The following MAGEB5 variants were observed in gnomAD, a reference collection of about 807,000 sequenced individuals.
MAGEB5 encodes MAGE family member B5.
For synonymous variants in MAGEB5, 70 were observed against 75.0 expected (o/e 0.93, Z 0.34); for missense variants, 189 against 197.1 (o/e 0.96, Z 0.25).
intron 1 of MAGEB5, among the ~76,000 whole-genome samples, chrX:26,216,765 G>A (rs897324068): frequency 2.7e-5 from 3 of 111,740 alleles, no homozygotes; most frequent in African/African-American, 9.8e-5. Flanking sequence ...TCTTGAATGT[G>A]AAGTAAAAGG....
rs1929477276 is a variant in MAGEB5 at position 26,218,083 on chromosome X, A to G, written c.782A>G (p.Gln261Arg). ...CSRNWHYCSG[Q>R]DCLRAKFSSF... ...CGAAACTGGCACTACTGCAGTGGCCAAGACTGTCTCAGGGCGAAGTTCAGC... is the reference window on the plus strand; with the variant it reads ...CGAAACTGGCACTACTGCAGTGGCCGAGACTGTCTCAGGGCGAAGTTCAGC... The change falls in exon 2 of 2, where the codon CAA becomes CGA. Residue 261 changes from glutamine (Q) to arginine (R), a missense_variant. Gln to Arg is a conservative substitution (Grantham distance 43). Coordinates refer to ENST00000602297, the MANE Select transcript of MAGEB5 (RefSeq NM_001271752.1). 1 of 1,164,982 alleles carries G rather than the reference A, an allele frequency of 8.6e-7. No homozygotes were observed. The highest frequency in any genetic ancestry group is 1.1e-6 in the Non-Finnish European group (1 of 871,680).
rs765363905 is a variant in MAGEB5, at chrX:26,217,818, C to T, written c.517C>T (p.Pro173Ser). 8.5e-7 allele frequency: 1 copy of T among 1,173,001 alleles called. No individual in the cohort carries two copies. The highest frequency in any genetic ancestry group is 3.2e-5 in the East Asian group (1 of 31,453). The change falls in exon 2 of 2, where the codon CCC (proline) becomes TCC (serine). Residue 173 changes from proline to serine, a missense_variant. Coordinates refer to ENST00000602297, the MANE Select transcript of MAGEB5 (RefSeq NM_001271752.1). ...GAAGAAGTACTACATCTATGGAGAG[C>T]CCAGGAAGCTCATCACTCAGGATTT... ...DGKKYYIYGE[P>S]RKLITQDFVR...
At chrX:26,216,484 C>T (rs1287403227) in intron 1 of MAGEB5, among the ~76,000 whole-genome samples, 1 of 111,585 alleles carries the variant, frequency 9.0e-6, no homozygotes, top group Admixed American at 9.5e-5. Flanking sequence ...GAGGTGAGAT[C>T]CTTAGTCTGA....
At chrX:26,216,972 A>C (rs1302509349) in intron 1 of MAGEB5, 113 bp from the exon 2 acceptor site, 1 of 217,119 alleles carries the variant, frequency 4.6e-6, no homozygotes, top group Non-Finnish European at 8.3e-6. Flanking sequence ...TTTTATTATA[A>C]CCATGGTAGA....
At chrX:26,216,603 A>C (rs1049976815) in intron 1 of MAGEB5, among the ~76,000 whole-genome samples, 2 of 111,791 alleles carry the variant, frequency 1.8e-5, no homozygotes, top group Admixed American at 1.9e-4. Context: ...CAGGACAGAA[A>C]ATAATCTACT....
Position 26,217,721 on chromosome X carries a change from C to A in MAGEB5, c.420C>A (p.Ile140=), listed in dbSNP as rs1421767546. ...TGLLMTFLVV[I]FLKGNCANKE... is the part of the protein sequence containing the mutation. ...TCCTCATGACTTTCCTGGTTGTGAT[C>A]TTCCTGAAAGGCAACTGTGCCAACA... The change falls in exon 2 of 2, where the codon ATC becomes ATA. Residue 140 remains isoleucine (I), a synonymous_variant. Transcript: ENST00000602297. The A allele has an allele frequency of 2.6e-6, 3 of 1,167,063 alleles. No homozygotes were observed. The highest frequency in any genetic ancestry group is 3.4e-6 in the Non-Finnish European group (3 of 873,076).
intron 1 of MAGEB5, among the ~76,000 whole-genome samples, chrX:26,216,858 C>A (rs1478720910): frequency 8.9e-6 from 1 of 112,403 alleles, no homozygotes; most frequent in Non-Finnish European, 1.9e-5. Flanking sequence ...CCTATGGTTC[C>A]GTCTAACTTC....
Position 26,217,068 on chromosome X carries a change from C to A in MAGEB5, c.-217-17C>A. On this transcript the variant is annotated splice_polypyrimidine_tract_variant and intron_variant, in intron 1 of 1. Coordinates refer to ENST00000602297, the MANE Select transcript of MAGEB5 (RefSeq NM_001271752.1). The stretch of plus-strand genomic sequence containing the variant: ...CCCGTTCTCCTACTCATTCTCCTGC[C>A]TGCTGTCCTTTATCAGAGTCAACAT... The A allele has an allele frequency of 5.4e-6, 2 of 371,613 alleles. No homozygotes were observed. Among genetic ancestry groups the A allele is most frequent in the East Asian group, 8.4e-5 (2 of 23,751 alleles). The allele number at this position is 371,613 out of a possible 1,213,427, so 30.6% of individuals were successfully genotyped here. A position where few individuals can be genotyped will look rare whatever the true frequency, so the allele number is the denominator to read the frequency against.
In MAGEB5 at chrX:26,217,425, A is replaced by G. The variant is rs1361144315; in HGVS notation, c.124A>G (p.Ile42Val). 4 of 1,167,121 alleles carry G rather than the reference A, an allele frequency of 3.4e-6. No homozygotes were observed. Among genetic ancestry groups the G allele is most frequent in the African/African-American group, 1.8e-5 (1 of 56,409 alleles). The change falls in exon 2 of 2, where the codon ATT becomes GTT. Residue 42 changes from isoleucine to valine, a missense_variant. Coordinates refer to ENST00000602297, the MANE Select transcript of MAGEB5 (RefSeq NM_001271752.1). Reference sequence around the variant, plus strand: ...GAGTTCATGCAGCAATTTCATAAATATTAAGGTGGGTTTGTTGGAGCAGTT... The same window carrying G: ...GAGTTCATGCAGCAATTTCATAAATGTTAAGGTGGGTTTGTTGGAGCAGTT... Reference protein sequence around the residue: ...TESSCSNFINIKVGLLEQFLL... With the variant: ...TESSCSNFINVKVGLLEQFLL...
intron 1 of MAGEB5, 136 bp from the exon 2 acceptor site, chrX:26,216,949 C>T (rs1304277994): frequency 5.7e-6 from 1 of 174,557 alleles, no homozygotes; most frequent in Non-Finnish European, 1.1e-5. Context: ...TCATGGAAAA[C>T]TGCAAATGTT....
At position 26,217,174 on chromosome X, in the gene MAGEB5, C is replaced by T; in HGVS notation, c.-128C>T. On this transcript the variant is annotated 5_prime_UTR_variant, in exon 2 of 2. Coordinates refer to ENST00000602297, the MANE Select transcript of MAGEB5 (RefSeq NM_001271752.1). ...GATGACTCTCTGCTTCAGAGTGGAG[C>T]TCAGGCCAGTGAATAAGTGGAAGAT... 1 of 480,046 alleles carries T rather than the reference C, an allele frequency of 2.1e-6. No homozygotes were observed. The highest frequency in any genetic ancestry group is 4.2e-5 in the Admixed American group (1 of 23,656). 39.6% of individuals were successfully genotyped at this position (480,046 alleles called of 1,213,427 possible).
chrX:26,217,330 G>A lies in MAGEB5; in HGVS notation c.29G>A (p.Gly10Glu). Residue 10 changes from glycine to glutamate, a missense_variant, in exon 2 of 2, where the codon GGA becomes GAA. Coordinates refer to ENST00000602297, the MANE Select transcript of MAGEB5 (RefSeq NM_001271752.1). ...ACTTCTGCAGGTGTTTTTAATGCAG[G>A]ATCTGACGAAAGGGCTAACAGTAGA... The part of the protein sequence containing the change: MTSAGVFNA[G>E]SDERANSRDE... The A allele has an allele frequency of 8.7e-7, 1 of 1,154,211 alleles. No homozygotes were observed. The highest frequency in any genetic ancestry group is 1.2e-6 in the Non-Finnish European group (1 of 867,648).
Position 26,217,760 on chromosome X carries a change from G to T in MAGEB5, c.459G>T (p.Trp153Cys), listed in dbSNP as rs1043215954. ...KGNCANKEDT[W>C]KFLDMMQIYD... Reference sequence around the variant, plus strand: ...ACTGTGCCAACAAGGAAGATACCTGGAAATTTCTGGATATGATGCAAATAT... The same window carrying T: ...ACTGTGCCAACAAGGAAGATACCTGTAAATTTCTGGATATGATGCAAATAT... Residue 153 changes from tryptophan (W) to cysteine (C), a missense_variant, in exon 2 of 2, where the codon TGG becomes TGT. Transcript: ENST00000602297. 1 of 1,165,441 alleles carries T rather than the reference G, an allele frequency of 8.6e-7. No homozygotes were observed. The highest frequency in any genetic ancestry group is 1.8e-5 in the African/African-American group (1 of 55,731).
rs200744728 is a variant in MAGEB5 at position 26,217,640 on chromosome X, G to A, written c.339G>A (p.Leu113=). The A allele has an allele frequency of 1.4e-5, 16 of 1,166,549 alleles. No individual in the cohort carries two copies. In the East Asian group the frequency reaches 2.6e-4, roughly 19 times the overall value. The change falls in exon 2 of 2, where the codon CTG becomes CTA. Residue 113 remains leucine, a synonymous_variant. Transcript: ENST00000602297. ...TCHLYDLVSK[L]KLPNNGRIHV... ...ACTTATATGACCTTGTCAGCAAGCT[G>A]AAACTCCCCAACAATGGGAGGATTC...
At chrX:26,216,838 C>CA (rs1221582522) in intron 1 of MAGEB5, among the ~76,000 whole-genome samples, 79 of 112,548 alleles carry the variant, frequency 7.0e-4, no homozygotes, top group Non-Finnish European at 1.3e-3. Context: ...GCAGGGCTGC[C>CA]AGGCTAAAGC....
At position 26,217,847 on chromosome X, in the gene MAGEB5, G is replaced by A. The variant is rs937388151; in HGVS notation, c.546G>A (p.Val182=). The A allele has an allele frequency of 8.4e-7, 1 of 1,184,410 alleles. No individual in the cohort carries two copies. Among genetic ancestry groups the A allele is most frequent in the Non-Finnish European group, 1.1e-6 (1 of 881,726 alleles). The part of the protein sequence containing the change: ...EPRKLITQDF[V]RLTYLEYHQV... The stretch of plus-strand genomic sequence containing the variant: ...GGAAGCTCATCACTCAGGATTTCGT[G>A]AGGCTAACGTACCTGGAGTACCACC... Residue 182 remains valine (V), a synonymous_variant, in exon 2 of 2, where the codon GTG becomes GTA. Transcript: ENST00000602297.
intron 1 of MAGEB5, among the ~76,000 whole-genome samples, chrX:26,216,477 G>T (rs1209601360): frequency 8.9e-6 from 1 of 111,855 alleles, no homozygotes; most frequent in Non-Finnish European, 1.9e-5. Context: ...TCTATGGGAG[G>T]TGAGATCCTT....
chrX:26,216,378 A>G (rs1263780040), intron 1 of MAGEB5, among the ~76,000 whole-genome samples, 180 bp downstream of exon 1: 1 of 112,033 alleles, frequency 8.9e-6, no homozygotes, highest in Admixed American at 9.4e-5. Flanking sequence ...AAGAGTTAAA[A>G]AAGAATCTGG....
In MAGEB5 at chrX:26,217,150, A is replaced by G. The variant is rs1048666952; in HGVS notation, c.-152A>G. On this transcript the variant is annotated 5_prime_UTR_variant, in exon 2 of 2. It removes an upstream start codon present in the reference 5' UTR. Coordinates refer to ENST00000602297, the MANE Select transcript of MAGEB5 (RefSeq NM_001271752.1). ...TGTGAGAAACACTACCAGATCCAAG[A>G]TGACTCTCTGCTTCAGAGTGGAGCT... 1.4e-5 allele frequency: 6 copies of G among 443,759 alleles called. No homozygotes were observed. The Admixed American group carries it at 1.8e-4, about 13-fold the overall frequency. 36.6% of individuals were successfully genotyped at this position (443,759 alleles called of 1,213,427 possible). A position where few individuals can be genotyped will look rare whatever the true frequency, so the allele number is the denominator to read the frequency against.
Sources: gnomAD v4.1 joint callset for allele counts (sites outside exome capture counted in the v4.1 genomes callset) on GRCh38, gnomAD v4.1.1 for gene constraint, MANE v1.5 for transcripts, NCBI Gene and HGNC (gene_info 2026-07-23, HGNC 2026-07-21) for gene names.